The following SHANK2 variants were observed in gnomAD, a reference collection of about 807,000 sequenced individuals.
SHANK2 encodes the protein SH3 and multiple ankyrin repeat domains protein 2.
In SHANK2, 43 loss-of-function variants were observed where a neutral mutation model predicts 133.7. The observed-to-expected ratio is 0.32, with a 90% CI of 0.25 to 0.41. SHANK2 has a LOEUF of 0.41. Among genes scored for constraint, SHANK2 ranks in the 10% least tolerant of loss-of-function variants. The probability of loss-of-function intolerance (pLI) is 1.00; values close to 1 mark genes in which losing one functional copy is unlikely to be tolerated. For missense variants in SHANK2, 1,994 were observed against 2,235.8 expected, an observed-to-expected ratio of 0.89 and a Z score of 2.18; for synonymous variants, 1,017 against 952.8, an observed-to-expected ratio of 1.07 and a Z score of -1.24.
At position 71,113,297 on chromosome 11, in the gene SHANK2, GTGTGGAGCTTGGCCAACTGTTT is replaced by G; in HGVS notation, c.457_478del (p.Lys153ArgfsTer5). The G allele has an allele frequency of 1.3e-6, 2 of 1,551,660 alleles. No homozygotes were observed. The highest frequency in any genetic ancestry group is 1.7e-6 in the Non-Finnish European group (2 of 1,146,942). Reference sequence around the variant, plus strand: ...AACAGCCCGTTCCCTGCATACCTTCGTGTGGAGCTTGGCCAACTGTTTCTCATCGAGACTGGCTTGTTTATAC... The same window carrying G: ...AACAGCCCGTTCCCTGCATACCTTCGCTCATCGAGACTGGCTTGTTTATAC... On this transcript the variant is annotated frameshift_variant, in exon 5 of 26. Coordinates refer to ENST00000601538, the MANE Select transcript of SHANK2 (RefSeq NM_012309.5). LOFTEE classifies it high-confidence loss of function.
At chr11:71,170,129 C>T (rs1413012297) in intron 2 of SHANK2, among the ~76,000 whole-genome samples, 1 of 152,030 alleles carries the variant, frequency 6.6e-6, no homozygotes, top group Non-Finnish European at 1.5e-5. Flanking sequence ...ATGTTTAATG[C>T]TAAATTTATT....
intron 15 of SHANK2, among the ~76,000 whole-genome samples, chr11:70,696,956 C>T (rs1046296274): frequency 2.6e-5 from 4 of 152,192 alleles, no homozygotes; most frequent in African/African-American, 4.8e-5. Flanking sequence ...AATCCAGACA[C>T]GCTACAACAC....
intron 10 of SHANK2, among the ~76,000 whole-genome samples, chr11:70,914,279 C>G (rs1565402644): frequency 6.6e-6 from 1 of 151,898 alleles, no homozygotes; most frequent in East Asian, 1.9e-4. Context: ...AGAGTCCCTC[C>G]CCCGACCCTC....
chr11:70,798,480 C>G lies in SHANK2; in HGVS notation c.1740G>C (p.Val580=), dbSNP rs1555049703. 5 of 718,540 alleles carry G rather than the reference C, an allele frequency of 7.0e-6. No individual in the cohort carries two copies. In the East Asian group the frequency reaches 1.3e-4, roughly 19 times the overall value. 44.5% of individuals were successfully genotyped at this position (718,540 alleles called of 1,614,324 possible). The change falls in exon 14 of 26, where the codon GTG becomes GTC. Residue 580 remains valine, a synonymous_variant. Transcript: ENST00000601538. The part of the protein sequence containing the change: ...GHIGWFPAEC[V]EEVQCKPRDS... ...CCCTGGGCTTACACTGGACCTCCTC[C>G]ACGCACTCCGCCGGAAACCATCCGA...
At chr11:71,153,124 G>A (rs782684263) in intron 2 of SHANK2, among the ~76,000 whole-genome samples, 12 of 152,300 alleles carry the variant, frequency 7.9e-5, no homozygotes, top group East Asian at 3.9e-4. Context: ...CTCTAACCCC[G>A]TGAGGACCAG....
chr11:71,151,419 G>A (rs556657577), intron 2 of SHANK2, among the ~76,000 whole-genome samples: 24 of 152,246 alleles, frequency 1.6e-4, no homozygotes, highest in African/African-American at 5.1e-4. Context: ...CAGCTTTGCT[G>A]CCCAGAAACC....
At chr11:70,544,336 C>G (rs1041580489) in intron 17 of SHANK2, among the ~76,000 whole-genome samples, 2 of 152,232 alleles carry the variant, frequency 1.3e-5, no homozygotes, top group Non-Finnish European at 2.9e-5. Context: ...ATAAAATGAG[C>G]CCCCAAAGGT....
intron 2 of SHANK2, among the ~76,000 whole-genome samples, chr11:71,147,931 A>AGTT (rs1555107106): frequency 6.6e-6 from 1 of 152,234 alleles, no homozygotes; most frequent in African/African-American, 2.4e-5. Flanking sequence ...AGTGGAACCA[A>AGTT]GAGTCATGAG....
intron 2 of SHANK2, among the ~76,000 whole-genome samples, chr11:71,216,448 G>C (rs10751047): frequency 0.47 from 71,917 of 151,930 alleles, 20,163 homozygotes; most frequent in Non-Finnish European, 0.63. Flanking sequence ...ATTTGTGGTC[G>C]CCAGGGCCGG....
chr11:70,792,318 ACC>A, intron 14 of SHANK2, among the ~76,000 whole-genome samples: 1 of 150,960 alleles, frequency 6.6e-6, no homozygotes, highest in Non-Finnish European at 1.5e-5. Context: ...CAACCAACCA[ACC>A]AACCAACCAA....
intron 17 of SHANK2, among the ~76,000 whole-genome samples, chr11:70,642,041 T>G (rs1371177623): frequency 2.0e-5 from 3 of 152,172 alleles, no homozygotes; most frequent in African/African-American, 7.2e-5. Context: ...TACGGGGGAC[T>G]GGGTACCAGG....
At chr11:71,166,862 A>C (rs1953162938) in intron 2 of SHANK2, among the ~76,000 whole-genome samples, 3 of 144,360 alleles carry the variant, frequency 2.1e-5, no homozygotes, top group Admixed American at 2.1e-4. Context: ...GTCACAGGAC[A>C]ATAGTGGAGG....
intron 14 of SHANK2, among the ~76,000 whole-genome samples, chr11:70,720,610 G>A (rs1946054307): frequency 6.6e-6 from 1 of 152,236 alleles, no homozygotes; most frequent in African/African-American, 2.4e-5. Context: ...GAGGGCTGGA[G>A]ATAGAGTTGT....
chr11:70,509,449 G>C (rs566579953), intron 17 of SHANK2, among the ~76,000 whole-genome samples: 2 of 152,236 alleles, frequency 1.3e-5, no homozygotes, highest in South Asian at 2.1e-4. Context: ...ATTGAGGGGG[G>C]GCTCCCAGCA....
At chr11:71,177,259 C>A (rs1953465784) in intron 2 of SHANK2, among the ~76,000 whole-genome samples, 1 of 151,998 alleles carries the variant, frequency 6.6e-6, no homozygotes, top group Admixed American at 6.5e-5. Flanking sequence ...GAAATGGTAA[C>A]CATGAGGCTA....
intron 14 of SHANK2, among the ~76,000 whole-genome samples, chr11:70,767,173 G>A (rs566510301): frequency 6.6e-6 from 1 of 152,332 alleles, no homozygotes; most frequent in African/African-American, 2.4e-5. Context: ...GCAGCTGGGA[G>A]AGCCTCACCT....
intron 11 of SHANK2, among the ~76,000 whole-genome samples, chr11:70,845,653 T>C (rs2135447880): frequency 6.6e-6 from 1 of 151,950 alleles, no homozygotes; most frequent in African/African-American, 2.4e-5. Flanking sequence ...GAGATGCCAA[T>C]AAAACCCAGG....
chr11:70,944,329 C>T (rs1325255385), intron 10 of SHANK2, among the ~76,000 whole-genome samples: 8 of 152,214 alleles, frequency 5.3e-5, no homozygotes, highest in African/African-American at 1.9e-4. Context: ...CATCCCAGGC[C>T]CGGCCCGGCC....
intron 2 of SHANK2, among the ~76,000 whole-genome samples, chr11:71,186,605 A>G (rs1350177107): frequency 1.3e-5 from 2 of 152,196 alleles, no homozygotes; most frequent in African/African-American, 4.8e-5. Flanking sequence ...CTCGTACCTT[A>G]GAGGGGTCAT....
Sources: allele counts gnomAD v4.1 joint callset (sites outside exome capture counted in the v4.1 genomes callset), GRCh38; gene constraint gnomAD v4.1.1; transcripts MANE v1.5; gene names NCBI Gene and HGNC (gene_info 2026-07-23, HGNC 2026-07-21).